The following GMDS variants were observed in gnomAD, a reference collection of about 807,000 sequenced individuals.
GMDS encodes the protein GDP-mannose 4,6-dehydratase, also known as GDP-mannose 4,6 dehydratase.
GMDS carries 20 observed loss-of-function variants against 49.9 expected under a neutral mutation model. That is an observed-to-expected ratio of 0.40 (90% CI 0.28 to 0.58). The LOEUF is 0.58. Ranked by LOEUF, GMDS falls within the 20% of genes least tolerant of loss-of-function variation. GMDS has a pLI of 0.42. For missense variants in GMDS, 362 were observed against 481.4 expected, an observed-to-expected ratio of 0.75 and a Z score of 2.32; for synonymous variants, 177 against 178.6, an observed-to-expected ratio of 0.99 and a Z score of 0.07.
chr6:1,771,824 T>C (rs1374246445), intron 7 of GMDS, among the ~76,000 whole-genome samples: 1 of 152,192 alleles, frequency 6.6e-6, no homozygotes, highest in East Asian at 1.9e-4. Context: ...TGGTACAGTA[T>C]GATGCTTAAG....
chr6:2,236,989 C>G (rs79951689), intron 1 of GMDS, among the ~76,000 whole-genome samples: 1 of 152,088 alleles, frequency 6.6e-6, no homozygotes, highest in Admixed American at 6.6e-5. Context: ...TTTAAAAGAA[C>G]TTAGTATGAA....
chr6:1,876,811 T>TA (rs1271505036), intron 7 of GMDS, among the ~76,000 whole-genome samples: 2 of 152,174 alleles, frequency 1.3e-5, no homozygotes, highest in African/African-American at 2.4e-5. Context: ...TGATTTCTAG[T>TA]AAAAAATAAG....
chr6:1,675,866 A>AT (rs398000166), intron 9 of GMDS, among the ~76,000 whole-genome samples: 1 of 151,624 alleles, frequency 6.6e-6, no homozygotes, highest in African/African-American at 2.4e-5. Flanking sequence ...AAAAAAAAAA[A>AT]TGATAAAGGG....
At chr6:1,832,413 C>T (rs1756702746) in intron 7 of GMDS, among the ~76,000 whole-genome samples, 1 of 151,766 alleles carries the variant, frequency 6.6e-6, no homozygotes, top group Non-Finnish European at 1.5e-5. Context: ...AAAAACAATC[C>T]AAAACTCCTT....
chr6:2,154,830 C>T (rs547139153), intron 1 of GMDS, among the ~76,000 whole-genome samples: 81 of 101,714 alleles, frequency 8.0e-4, no homozygotes, highest in African/African-American at 2.7e-3. Flanking sequence ...TGGCTAAAGA[C>T]GAGTTCAACA....
chr6:2,056,146 G>A (rs1435185356), intron 4 of GMDS, among the ~76,000 whole-genome samples: 1 of 152,080 alleles, frequency 6.6e-6, no homozygotes, highest in Non-Finnish European at 1.5e-5. Flanking sequence ...TATGTCTCCT[G>A]ATTCCAGAGG....
At chr6:2,238,513 T>TCCTA (rs1385891532) in intron 1 of GMDS, among the ~76,000 whole-genome samples, 1 of 152,206 alleles carries the variant, frequency 6.6e-6, no homozygotes, top group African/African-American at 2.4e-5. Context: ...TTCTCATTCA[T>TCCTA]CCTACATACC....
intron 7 of GMDS, among the ~76,000 whole-genome samples, chr6:1,840,405 A>C (rs908743671): frequency 2.0e-5 from 3 of 152,320 alleles, no homozygotes; most frequent in Admixed American, 2.0e-4. Flanking sequence ...CAGTCATGAA[A>C]ATGGCTTACA....
chr6:1,652,391 AT>A (rs1424147590), intron 9 of GMDS, among the ~76,000 whole-genome samples: 314 of 7,334 alleles, frequency 0.043, 41 homozygotes, highest in African/African-American at 0.069. Flanking sequence ...ATATATATAT[AT>A]TATATATATA....
chr6:1,801,936 C>T (rs1206093347), intron 7 of GMDS, among the ~76,000 whole-genome samples: 1 of 152,148 alleles, frequency 6.6e-6, no homozygotes, highest in African/African-American at 2.4e-5. Context: ...GCTACCCTCC[C>T]ACCCCGAATA....
intron 8 of GMDS, among the ~76,000 whole-genome samples, chr6:1,728,692 G>C (rs1416849770): frequency 6.6e-6 from 1 of 152,186 alleles, no homozygotes; most frequent in East Asian, 1.9e-4. Context: ...GAGCGTGTGA[G>C]TCAGGAGAGG....
intron 7 of GMDS, among the ~76,000 whole-genome samples, chr6:1,805,333 T>C (rs1215388349): frequency 1.3e-5 from 2 of 152,192 alleles, no homozygotes; most frequent in African/African-American, 4.8e-5. Flanking sequence ...TACTAAAAAG[T>C]GTATTTTGAT....
intron 7 of GMDS, among the ~76,000 whole-genome samples, chr6:1,842,808 T>G (rs1757206586): frequency 6.6e-6 from 1 of 152,246 alleles, no homozygotes. Context: ...AGGCTCACAT[T>G]GTATATTTTA....
chr6:2,227,947 T>C (rs930649850), intron 1 of GMDS, among the ~76,000 whole-genome samples: 1 of 152,252 alleles, frequency 6.6e-6, no homozygotes, highest in Non-Finnish European at 1.5e-5. Context: ...AGAGCCAACC[T>C]GTGGCTGTGC....
intron 7 of GMDS, among the ~76,000 whole-genome samples, chr6:1,894,121 T>C (rs930434817): frequency 2.6e-4 from 39 of 152,240 alleles, no homozygotes; most frequent in Non-Finnish European, 4.6e-4. Flanking sequence ...CTTTTCATCT[T>C]AGCTATCACA....
intron 1 of GMDS, among the ~76,000 whole-genome samples, chr6:2,211,711 T>C (rs544479498): frequency 3.1e-4 from 47 of 152,268 alleles, no homozygotes; most frequent in African/African-American, 1.1e-3. Flanking sequence ...ACGTATTTCA[T>C]GTTAGTAGTT....
chr6:2,166,470 A>G (rs1224126751), intron 1 of GMDS, among the ~76,000 whole-genome samples: 1 of 152,042 alleles, frequency 6.6e-6, no homozygotes, highest in Non-Finnish European at 1.5e-5. Context: ...CATTGTACAG[A>G]TGAAGAAACA....
intron 7 of GMDS, among the ~76,000 whole-genome samples, chr6:1,900,542 T>C (rs910225596): frequency 3.3e-5 from 5 of 152,224 alleles, no homozygotes; most frequent in African/African-American, 1.2e-4. Context: ...TAACTTCTAC[T>C]GAAGTATAAT....
chr6:1,835,219 C>T (rs1028767360), intron 7 of GMDS, among the ~76,000 whole-genome samples: 2 of 152,112 alleles, frequency 1.3e-5, no homozygotes, highest in Non-Finnish European at 2.9e-5. Flanking sequence ...GGCTGAAGAA[C>T]ACCCTAAGGC....
Sources: gnomAD v4.1 joint callset for allele counts (sites outside exome capture counted in the v4.1 genomes callset) on GRCh38, gnomAD v4.1.1 for gene constraint, MANE v1.5 for transcripts, NCBI Gene and HGNC (gene_info 2026-07-23, HGNC 2026-07-21) for gene names.